The following PALM2AKAP2 variants were observed in gnomAD, a reference collection of about 807,000 sequenced individuals.
PALM2AKAP2 encodes the protein PALM2 and AKAP2 fusion.
Under a neutral mutation model 71.5 loss-of-function variants are expected in PALM2AKAP2, and 37 were observed. The ratio of observed to expected loss-of-function variants is 0.52; its 90% CI spans 0.40 to 0.68. PALM2AKAP2 has a LOEUF of 0.68. Among genes scored for constraint, PALM2AKAP2 ranks in the 30% least tolerant of loss-of-function variants. The pLI, the probability that PALM2AKAP2 is intolerant of heterozygous loss-of-function variation, is 0.00. For synonymous variants in PALM2AKAP2, 468 were observed against 478.8 expected (o/e 0.98, Z 0.29); for missense variants, 1,224 against 1,191.8 (o/e 1.03, Z -0.40).
chr9:110,014,816 A>G (rs1389846004), intron 6 of PALM2AKAP2, among the ~76,000 whole-genome samples: 3,127 of 53,396 alleles, frequency 0.059, 330 homozygotes, highest in African/African-American at 0.15. Context: ...GTATATATAT[A>G]TATATATATA....
At chr9:110,048,788 C>G in exon 1 of PALM2AKAP2, 1 of 1,534,644 alleles carries the variant, frequency 6.5e-7, no homozygotes, top group South Asian at 1.2e-5. Flanking sequence ...GAGCGGGAGG[C>G]AGCGGCCGCG....
chr9:109,797,226 G>T (rs1176459701), intron 1 of PALM2AKAP2, among the ~76,000 whole-genome samples: 1 of 152,096 alleles, frequency 6.6e-6, no homozygotes, highest in African/African-American at 2.4e-5. Flanking sequence ...TTCTCACTCC[G>T]CTTAGCATGG....
chr9:109,816,304 C>G (rs1288856800), intron 1 of PALM2AKAP2, among the ~76,000 whole-genome samples: 1 of 152,242 alleles, frequency 6.6e-6, no homozygotes, highest in East Asian at 1.9e-4. Flanking sequence ...TATAGGAAGA[C>G]AGTGCAGTGA....
At chr9:109,737,731 A>G (rs1295805583) in intron 1 of PALM2AKAP2, among the ~76,000 whole-genome samples, 1 of 152,240 alleles carries the variant, frequency 6.6e-6, no homozygotes, top group Non-Finnish European at 1.5e-5. Flanking sequence ...TTCATCCTAC[A>G]TTGTTTAGCA....
intron 1 of PALM2AKAP2, among the ~76,000 whole-genome samples, chr9:109,848,770 C>T (rs919434235): frequency 1.2e-4 from 16 of 135,046 alleles, no homozygotes; most frequent in African/African-American, 4.3e-4. Context: ...GATGATACCC[C>T]ATCTCTACAA....
intron 2 of PALM2AKAP2, among the ~76,000 whole-genome samples, chr9:110,148,068 G>A (rs573866554): frequency 2.0e-4 from 31 of 152,168 alleles, no homozygotes; most frequent in African/African-American, 7.2e-4. Flanking sequence ...TTTTCCTTCT[G>A]GGGGGAGGTA....
chr9:109,643,546 C>G (rs1464298178), intron 1 of PALM2AKAP2, among the ~76,000 whole-genome samples: 3 of 152,216 alleles, frequency 2.0e-5, no homozygotes, highest in Non-Finnish European at 4.4e-5. Flanking sequence ...GCTAAGGTTT[C>G]CTCCAGGTGT....
intron 3 of PALM2AKAP2, among the ~76,000 whole-genome samples, chr9:109,913,477 G>C (rs1237791113): frequency 6.6e-6 from 1 of 152,152 alleles, no homozygotes; most frequent in Non-Finnish European, 1.5e-5. Context: ...GGAGTAGAAG[G>C]GGGGCAAAGC....
At chr9:109,768,199 A>T (rs1829194935) in intron 1 of PALM2AKAP2, among the ~76,000 whole-genome samples, 1 of 151,802 alleles carries the variant, frequency 6.6e-6, no homozygotes, top group African/African-American at 2.4e-5. Context: ...GCAGGCAGGC[A>T]GGGAGAAAAA....
At chr9:109,642,304 G>A (rs967681931) in intron 1 of PALM2AKAP2, among the ~76,000 whole-genome samples, 1 of 151,596 alleles carries the variant, frequency 6.6e-6, no homozygotes, top group Non-Finnish European at 1.5e-5. Context: ...ACTATTTCAT[G>A]TACTTTTTGT....
At chr9:110,007,814 A>T (rs910069019) in intron 6 of PALM2AKAP2, among the ~76,000 whole-genome samples, 4 of 152,196 alleles carry the variant, frequency 2.6e-5, no homozygotes, top group African/African-American at 9.7e-5. Flanking sequence ...ACCCAAAGAT[A>T]GAGGTGAAAT....
rs149497825 is a variant in PALM2AKAP2, at chr9:109,667,003, A to T, written c.5+26137A>T. ...TTCCTAACAGAAGGAAGTGGTGAAC[A>T]TCAGTCTTTGGAAAAGACAGAAGCG... is the stretch of plus-strand genomic sequence containing the variant. On this transcript the variant is annotated intron_variant, in intron 1 of 6. Transcript: ENST00000374531. Among the ~76,000 whole-genome samples, 28 of 152,350 alleles carry T rather than the reference A, an allele frequency of 1.8e-4. 1 individual carries two copies. In the East Asian group the frequency reaches 5.2e-3, roughly 28 times the overall value.
chr9:110,111,629 C>A lies in PALM2AKAP2; in HGVS notation c.157-24498C>A, dbSNP rs138259730. On this transcript the variant is annotated intron_variant, in intron 1 of 3. Transcript: ENST00000374525. ...TAAGATGAGAAAAAGGAATTTTGCA[C>A]CATCTGCACCAATTCTGAGGTTTTG... 3.8e-3 allele frequency among the ~76,000 whole-genome samples: 576 copies of A among 152,276 alleles called. 7 individuals carry two copies. Among genetic ancestry groups the A allele is most frequent in the African/African-American group, 0.013 (526 of 41,540 alleles).
intron 6 of PALM2AKAP2, among the ~76,000 whole-genome samples, chr9:109,992,952 TATAG>T (rs979577105): frequency 9.7e-5 from 14 of 144,564 alleles, no homozygotes; most frequent in East Asian, 8.0e-4. Context: ...TATATATATA[TATAG>T]AGAGAGAGAG....
chr9:109,922,399 G>A (rs1588010640), intron 3 of PALM2AKAP2, among the ~76,000 whole-genome samples: 1 of 122,810 alleles, frequency 8.1e-6, no homozygotes, highest in South Asian at 3.0e-4. Flanking sequence ...TCCAGCCTGG[G>A]TGACAGAGTG....
At chr9:110,093,100 A>C (rs1161598345) in intron 1 of PALM2AKAP2, among the ~76,000 whole-genome samples, 1 of 152,230 alleles carries the variant, frequency 6.6e-6, no homozygotes, top group Non-Finnish European at 1.5e-5. Context: ...CATGTATGTC[A>C]GATCAAGAAA....
Position 109,998,197 on chromosome 9 carries a change from T to C in PALM2AKAP2, c.497-17757T>C, listed in dbSNP as rs79936276. Among the ~76,000 whole-genome samples the C allele has an allele frequency of 9.4e-3, 1,431 of 152,312 alleles. 23 individuals carry two copies. Among genetic ancestry groups the C allele is most frequent in the African/African-American group, 0.033 (1,381 of 41,554 alleles). ...ATAAAATGGGGTTGATATGATTTTGTCCAGGAAGAAGTCTGGTTTAGGAAA... is the reference window on the plus strand; with the variant it reads ...ATAAAATGGGGTTGATATGATTTTGCCCAGGAAGAAGTCTGGTTTAGGAAA... On this transcript the variant is annotated intron_variant, in intron 6 of 9. Transcript: ENST00000302798.
At chr9:109,669,135 T>C (rs563009992) in intron 1 of PALM2AKAP2, among the ~76,000 whole-genome samples, 16 of 152,364 alleles carry the variant, frequency 1.1e-4, no homozygotes, top group Admixed American at 3.9e-4. Context: ...TCTACATTTG[T>C]GGAGGGTAAA....
chr9:110,169,013 T>G (rs2119298123), exon 4 of PALM2AKAP2: 1 of 152,910 alleles, frequency 6.5e-6, no homozygotes, highest in South Asian at 2.1e-4. Context: ...GGCGTTTCTC[T>G]CCATATTTGC....
Sources: gnomAD v4.1 joint callset for allele counts (sites outside exome capture counted in the v4.1 genomes callset) on GRCh38, gnomAD v4.1.1 for gene constraint, MANE v1.5 for transcripts, NCBI Gene and HGNC (gene_info 2026-07-23, HGNC 2026-07-21) for gene names.